EDNRB: variants seen among roughly 807,000 people sequenced by gnomAD.
EDNRB encodes Hirschsprung disease 2.
Under a neutral mutation model 46.4 loss-of-function variants are expected in EDNRB, and 18 were observed. The observed-to-expected ratio is 0.39, with a 90% CI of 0.27 to 0.57. EDNRB has a LOEUF of 0.57. Among genes scored for constraint, EDNRB ranks in the 20% least tolerant of loss-of-function variants. The pLI is 0.61. For missense variants in EDNRB, 434 were observed against 537.5 expected, an observed-to-expected ratio of 0.81 and a Z score of 1.90; for synonymous variants, 213 against 204.9, an observed-to-expected ratio of 1.04 and a Z score of -0.34.
chr13:77,912,501 T>C (rs1189799357), intron 1 of EDNRB, among the ~76,000 whole-genome samples: 1 of 152,130 alleles, frequency 6.6e-6, no homozygotes, highest in African/African-American at 2.4e-5. Flanking sequence ...GGAATCAAGC[T>C]TTCTTTTTCT....
rs560732604 is a variant in EDNRB, at chr13:77,967,127, C to CT, written c.-52+8219dup. On this transcript the variant is annotated intron_variant, in intron 1 of 7. Transcript: ENST00000646948. Reference sequence around the variant, plus strand: ...AAGAGAAGACTGAATAATAATATTTCTTTTTCAGGATCTGTTAATATAATT... The same window carrying CT: ...AAGAGAAGACTGAATAATAATATTTCTTTTTTCAGGATCTGTTAATATAATT... Among the ~76,000 whole-genome samples, 10 of 152,090 alleles carry CT rather than the reference C, an allele frequency of 6.6e-5. 1 individual carries two copies. In the South Asian group the frequency reaches 2.1e-3, roughly 32 times the overall value.
At chr13:77,970,386 G>A (rs1014854049) in intron 1 of EDNRB, among the ~76,000 whole-genome samples, 13 of 152,182 alleles carry the variant, frequency 8.5e-5, no homozygotes, top group Admixed American at 2.0e-4. Flanking sequence ...AGGTTTATTC[G>A]GCTGGGAGAA....
chr13:77,945,652 G>T (rs1239523456), intron 1 of EDNRB, among the ~76,000 whole-genome samples: 1 of 152,040 alleles, frequency 6.6e-6, no homozygotes, highest in East Asian at 1.9e-4. Context: ...TCTCTCTGAG[G>T]AATTGTACTT....
intron 1 of EDNRB, among the ~76,000 whole-genome samples, chr13:77,945,856 C>T (rs1479513338): frequency 1.4e-5 from 2 of 138,818 alleles, no homozygotes; most frequent in Non-Finnish European, 3.1e-5. Context: ...CAAGAAAATA[C>T]TCTAAGCCAT....
At chr13:77,910,652 G>A (rs982420565) in intron 1 of EDNRB, among the ~76,000 whole-genome samples, 4 of 151,984 alleles carry the variant, frequency 2.6e-5, no homozygotes, top group African/African-American at 7.2e-5. Flanking sequence ...TTAAAGATTA[G>A]CCTATGTGAG....
intron 6 of EDNRB, among the ~76,000 whole-genome samples, chr13:77,899,197 G>A (rs957306052): frequency 6.6e-6 from 1 of 151,774 alleles, no homozygotes; most frequent in Non-Finnish European, 1.5e-5. Context: ...GTGTTTACGC[G>A]GGAGCTACGT....
At chr13:77,941,175 C>T (rs968273970) in intron 1 of EDNRB, among the ~76,000 whole-genome samples, 11 of 151,924 alleles carry the variant, frequency 7.2e-5, no homozygotes, top group African/African-American at 1.9e-4. Flanking sequence ...GAAACTATCC[C>T]GTTAAAAGAC....
chr13:77,945,874 ACC>A (rs1880888948), intron 1 of EDNRB, among the ~76,000 whole-genome samples: 1 of 103,992 alleles, frequency 9.6e-6, no homozygotes, highest in Non-Finnish European at 2.1e-5. Context: ...CATGCAAAAA[ACC>A]AAAAAAAAAA....
At position 77,918,005 on chromosome 13, in the gene EDNRB, G is replaced by A. The variant is rs1594373038; in HGVS notation, c.483+86C>T. ...AACCTTAAGAGGGAGCTAAAGGGAA[G>A]CTCCCTCTACAAGCTTTCTCATCTC... On this transcript the variant is annotated intron_variant, in intron 1 of 6. Transcript: ENST00000646607. This position sits in a 1 kb window ranked among gnomAD's most constrained non-coding sequence, Gnocchi z 4.5. 6.2e-7 allele frequency: 1 copy of A among 1,602,662 alleles called. No homozygotes were observed. The highest frequency in any genetic ancestry group is 8.5e-7 in the Non-Finnish European group (1 of 1,172,504).
intron 2 of EDNRB, 39 bp from the exon 3 acceptor site, chr13:77,903,399 C>T: frequency 6.2e-7 from 1 of 1,611,956 alleles, no homozygotes; most frequent in South Asian, 1.1e-5. Flanking sequence ...AGCTGGCATA[C>T]CTTAGTTTTA....
chr13:77,958,350 T>G (rs899271877), intron 1 of EDNRB, among the ~76,000 whole-genome samples: 8 of 84,342 alleles, frequency 9.5e-5, no homozygotes, highest in Admixed American at 1.3e-4. Context: ...GTTATTTTAT[T>G]TATTTATTTA....
rs139882855 is a variant in EDNRB at position 77,933,833 on chromosome 13, T to A, written c.-51-15209A>T. Among the ~76,000 whole-genome samples, 19 of 152,246 alleles carry A rather than the reference T, an allele frequency of 1.2e-4. No individual in the cohort carries two copies. The East Asian group carries it at 1.4e-3, about 11-fold the overall frequency. On this transcript the variant is annotated intron_variant, in intron 1 of 7. Transcript: ENST00000646948. The stretch of plus-strand genomic sequence containing the variant: ...GATTTTGTGGTAAGGAGTGATATTG[T>A]GGGACTGTTAGAAGAAACATTTGTC...
chr13:77,898,563 C>T (rs1878759865), intron 6 of EDNRB, among the ~76,000 whole-genome samples: 1 of 151,922 alleles, frequency 6.6e-6, no homozygotes, highest in South Asian at 2.1e-4. Flanking sequence ...TAAAATTTCT[C>T]AACAAGAGAA....
intron 1 of EDNRB, among the ~76,000 whole-genome samples, chr13:77,910,441 C>T (rs185997136): frequency 3.3e-5 from 5 of 152,040 alleles, no homozygotes; most frequent in Admixed American, 3.3e-4. Context: ...GATAGGGCAC[C>T]TTCACTAAAG....
intron 1 of EDNRB, among the ~76,000 whole-genome samples, chr13:77,953,534 A>C (rs1158589462): frequency 1.3e-5 from 2 of 152,168 alleles, no homozygotes; most frequent in African/African-American, 4.8e-5. Context: ...TAGACGAGTA[A>C]AGAGATTGGG....
chr13:77,918,552 A>C lies in EDNRB; in HGVS notation c.22T>G (p.Cys8Gly), dbSNP rs765870134. The change falls in exon 1 of 7, where the codon TGC becomes GGC. Residue 8 changes from cysteine to glycine, a missense_variant. Coordinates refer to ENST00000646607, the MANE Select transcript of EDNRB (RefSeq NM_001122659.3). This position sits in a 1 kb window ranked among gnomAD's most constrained non-coding sequence, Gnocchi z 4.5. MQPPPSL[C>G]GRALVALVLA... ...ACCAGCGCAACCAGGGCGCGTCCGCACAGACTTGGAGGCGGCTGCATGCTG... is the reference window on the plus strand; with the variant it reads ...ACCAGCGCAACCAGGGCGCGTCCGCCCAGACTTGGAGGCGGCTGCATGCTG... The C allele has an allele frequency of 6.3e-7, 1 of 1,597,552 alleles. No individual in the cohort carries two copies. Among genetic ancestry groups the C allele is most frequent in the Non-Finnish European group, 8.5e-7 (1 of 1,174,618 alleles).
intron 1 of EDNRB, among the ~76,000 whole-genome samples, chr13:77,943,132 T>G (rs1328478210): frequency 6.6e-6 from 1 of 152,116 alleles, no homozygotes; most frequent in Non-Finnish European, 1.5e-5. Flanking sequence ...AAAGCTATTC[T>G]TTGATTTAAA....
chr13:77,920,344 C>T (rs998475734), upstream of EDNRB, among the ~76,000 whole-genome samples: 4 of 152,110 alleles, frequency 2.6e-5, no homozygotes, highest in African/African-American at 9.7e-5. Context: ...TAGTTTTGCC[C>T]AGAGATTGTA....
At chr13:77,932,833 A>G (rs1880443568) in intron 1 of EDNRB, among the ~76,000 whole-genome samples, 1 of 152,234 alleles carries the variant, frequency 6.6e-6, no homozygotes, top group Non-Finnish European at 1.5e-5. Flanking sequence ...TGTTTTAATT[A>G]CATGCATTTC....
Sources: gnomAD v4.1 joint callset for allele counts (sites outside exome capture counted in the v4.1 genomes callset) on GRCh38, gnomAD v4.1.1 for gene constraint, Gnocchi (gnomAD v3.1) non-coding constraint, MANE v1.5 for transcripts, NCBI Gene and HGNC (gene_info 2026-07-23, HGNC 2026-07-21) for gene names.